The following NRG1 variants were observed in gnomAD, a reference collection of about 807,000 sequenced individuals.
The protein encoded by NRG1 is pro-neuregulin-1, membrane-bound isoform.
NRG1 carries 18 observed loss-of-function variants against 63.8 expected under a neutral mutation model. The ratio of observed to expected loss-of-function variants is 0.28; its 90% confidence interval spans 0.19 to 0.42. The LOEUF (loss-of-function observed/expected upper bound fraction) is 0.42, where lower values mean the gene tolerates loss of function less well. Ranked by LOEUF, NRG1 falls within the 10% of genes least tolerant of loss-of-function variation. NRG1 has a pLI of 1.00. For synonymous variants in NRG1, 302 were observed against 301.3 expected, an observed-to-expected ratio of 1.00 and a Z score of -0.02; for missense variants, 762 against 814.7, an observed-to-expected ratio of 0.94 and a Z score of 0.79.
At chr8:32,084,111 T>A (rs1225838512) in intron 1 of NRG1, among the ~76,000 whole-genome samples, 2 of 152,150 alleles carry the variant, frequency 1.3e-5, no homozygotes, top group Non-Finnish European at 2.9e-5. Flanking sequence ...ATTATACCCA[T>A]TTAGTATCAT....
intron 5 of NRG1, among the ~76,000 whole-genome samples, chr8:32,663,151 G>C (rs1803296595): frequency 6.6e-6 from 1 of 152,074 alleles, no homozygotes; most frequent in Non-Finnish European, 1.5e-5. Flanking sequence ...AATTCATCTT[G>C]TTCAGCATTC....
intron 1 of NRG1, among the ~76,000 whole-genome samples, chr8:32,509,088 T>C (rs1828878131): frequency 1.5e-5 from 2 of 137,512 alleles, no homozygotes; most frequent in African/African-American, 2.7e-5. Flanking sequence ...TTTTATTTTA[T>C]TTTATTTTAT....
intron 1 of NRG1, among the ~76,000 whole-genome samples, chr8:31,848,695 T>A (rs1209348636): frequency 6.6e-6 from 1 of 152,172 alleles, no homozygotes; most frequent in African/African-American, 2.4e-5. Flanking sequence ...AACCCTATTA[T>A]GAACTGCACA....
At chr8:32,144,420 C>T (rs1423039652) in intron 1 of NRG1, among the ~76,000 whole-genome samples, 3 of 151,776 alleles carry the variant, frequency 2.0e-5, no homozygotes, top group Admixed American at 1.3e-4. Context: ...TTGGAGAAGA[C>T]CTGCATGCCT....
chr8:32,678,138 A>C (rs954841159), intron 5 of NRG1, among the ~76,000 whole-genome samples: 11 of 152,218 alleles, frequency 7.2e-5, no homozygotes, highest in Non-Finnish European at 1.3e-4. Context: ...GATGGACATA[A>C]AAAATCTCCT....
chr8:32,654,929 G>A (rs1416253173), intron 5 of NRG1, among the ~76,000 whole-genome samples: 3 of 152,058 alleles, frequency 2.0e-5, no homozygotes, highest in African/African-American at 7.2e-5. Flanking sequence ...CTTTCCAGTG[G>A]GTAGACTTGA....
At chr8:32,382,294 A>G (rs1810454792) in intron 1 of NRG1, among the ~76,000 whole-genome samples, 2 of 152,228 alleles carry the variant, frequency 1.3e-5, no homozygotes, top group South Asian at 4.1e-4. Flanking sequence ...CTAGATAATC[A>G]TAATAAACAT....
chr8:32,711,241 C>A (rs200002770), intron 5 of NRG1, among the ~76,000 whole-genome samples: 1 of 147,606 alleles, frequency 6.8e-6, no homozygotes, highest in African/African-American at 2.5e-5. Flanking sequence ...TTTTTTTTTC[C>A]AACTGTGAGA....
intron 1 of NRG1, among the ~76,000 whole-genome samples, chr8:31,876,877 A>G (rs559086864): frequency 6.6e-6 from 1 of 152,118 alleles, no homozygotes; most frequent in South Asian, 2.1e-4. Flanking sequence ...ATAAAGTCAA[A>G]CTCCACTGCC....
chr8:31,882,943 A>G (rs1329309308), intron 1 of NRG1, among the ~76,000 whole-genome samples: 1 of 152,154 alleles, frequency 6.6e-6, no homozygotes, highest in East Asian at 1.9e-4. Context: ...TGAAATGACA[A>G]CAAAGGATTT....
At chr8:31,800,715 T>C (rs1821683009) in intron 1 of NRG1, among the ~76,000 whole-genome samples, 1 of 152,098 alleles carries the variant, frequency 6.6e-6, no homozygotes, top group African/African-American at 2.4e-5. Context: ...AAATTTCTTA[T>C]TCTGGAAAGT....
intron 1 of NRG1, among the ~76,000 whole-genome samples, chr8:32,390,999 G>A (rs1004618748): frequency 6.6e-6 from 1 of 152,130 alleles, no homozygotes; most frequent in African/African-American, 2.4e-5. Flanking sequence ...GATGTCTGGT[G>A]ACATTTTTTC....
chr8:31,967,473 T>TTA (rs1179918211), intron 1 of NRG1, among the ~76,000 whole-genome samples: 1 of 152,014 alleles, frequency 6.6e-6, no homozygotes, highest in Non-Finnish European at 1.5e-5. Flanking sequence ...CTGTCAGGGA[T>TTA]TATAATAGGA....
At chr8:32,162,511 C>A (rs1365090398) in intron 1 of NRG1, among the ~76,000 whole-genome samples, 1 of 151,894 alleles carries the variant, frequency 6.6e-6, no homozygotes, top group African/African-American at 2.4e-5. Flanking sequence ...AAAATAAAAA[C>A]CTCTAAGAAC....
At chr8:32,096,145 A>G (rs1829876271) in intron 1 of NRG1, among the ~76,000 whole-genome samples, 1 of 152,230 alleles carries the variant, frequency 6.6e-6, no homozygotes, top group Non-Finnish European at 1.5e-5. Context: ...AGGAGTTTGC[A>G]TTGTATTTGA....
chr8:32,600,405 C>T (rs1006424172), intron 2 of NRG1, among the ~76,000 whole-genome samples: 1 of 151,842 alleles, frequency 6.6e-6, no homozygotes, highest in Non-Finnish European at 1.5e-5. Context: ...ACTGTATAAA[C>T]AGAAGAGTTC....
intron 1 of NRG1, among the ~76,000 whole-genome samples, chr8:32,288,664 G>T (rs564408938): frequency 2.6e-5 from 4 of 152,054 alleles, no homozygotes. Context: ...TTGCCATACT[G>T]TCACCATCCT....
upstream of NRG1, among the ~76,000 whole-genome samples, chr8:32,547,233 T>C (rs1468984460): frequency 6.6e-6 from 1 of 152,110 alleles, no homozygotes; most frequent in Middle Eastern, 3.2e-3. Context: ...GTCAATGCCT[T>C]CTTATTTCCT....
intron 5 of NRG1, among the ~76,000 whole-genome samples, chr8:32,677,058 C>CT (rs1807314208): frequency 6.6e-6 from 1 of 152,012 alleles, no homozygotes; most frequent in Admixed American, 6.5e-5. Context: ...TTAGAAAATA[C>CT]TTTTTTAATG....
Sources: allele counts gnomAD v4.1 joint callset (sites outside exome capture counted in the v4.1 genomes callset), GRCh38; gene constraint gnomAD v4.1.1; transcripts MANE v1.5; gene names NCBI Gene and HGNC (gene_info 2026-07-23, HGNC 2026-07-21).